The following LRRC53 variants were observed in gnomAD, a reference collection of about 807,000 sequenced individuals.
LRRC53 encodes the protein leucine rich repeat containing 53, also known as leucine-rich repeat-containing protein 53.
A neutral mutation model predicts 13.6 loss-of-function variants in LRRC53; 25 were observed. The ratio of observed to expected loss-of-function variants is 1.83; its 90% CI spans 1.34 to 2.56. The LOEUF (loss-of-function observed/expected upper bound fraction) is 2.56, where lower values mean the gene tolerates loss of function less well. LRRC53 is among the 30% of genes most tolerant of loss of function. LRRC53 has a pLI of 0.00. For missense variants in LRRC53, 527 were observed against 275.8 expected, an observed-to-expected ratio of 1.91 and a Z score of -6.45; for synonymous variants, 204 against 109.8, an observed-to-expected ratio of 1.86 and a Z score of -5.37.
At chr1:74,497,980 GC>G (rs1669419854) in intron 1 of LRRC53, among the ~76,000 whole-genome samples, 2 of 152,156 alleles carry the variant, frequency 1.3e-5, no homozygotes, top group South Asian at 2.1e-4. Context: ...ACTGTGGGAG[GC>G]TTTTTTGTTT....
In LRRC53 at chr1:74,475,363, T is replaced by G; in HGVS notation, c.1352A>C (p.Lys451Thr). 1.4e-6 allele frequency: 1 copy of G among 716,196 alleles called. No homozygotes were observed. Among genetic ancestry groups the G allele is most frequent in the Non-Finnish European group, 2.6e-6 (1 of 384,536 alleles). 44.4% of individuals were successfully genotyped at this position (716,196 alleles called of 1,614,324 possible). A position where few individuals can be genotyped will look rare whatever the true frequency, so the allele number is the denominator to read the frequency against. ...LTTYNPRKVQ[K>T]LWNLEPGEVQ... ...TTCTCCAGGCTCAAGATTCCATAGC[T>G]TTTGAACTTTCCTTGGATTATATGT... The change falls in exon 4 of 5, where the codon AAG becomes ACG. Residue 451 changes from lysine (K) to threonine (T), a missense_variant. Coordinates refer to ENST00000294635, the MANE Select transcript of LRRC53 (RefSeq NM_001382280.1).
At chr1:74,490,012 C>T (rs1404319397) in intron 1 of LRRC53, among the ~76,000 whole-genome samples, 1 of 111,554 alleles carries the variant, frequency 9.0e-6, no homozygotes, top group East Asian at 2.8e-4. Context: ...CACTAAGTCT[C>T]AAAGTGGAAC....
chr1:74,483,905 G>A (rs1057175267), intron 1 of LRRC53, among the ~76,000 whole-genome samples: 1 of 152,136 alleles, frequency 6.6e-6, no homozygotes, highest in Non-Finnish European at 1.5e-5. Flanking sequence ...CCTAGGGAGT[G>A]AGTATGATGT....
chr1:74,510,737 T>G (rs566298709), intron 1 of LRRC53, among the ~76,000 whole-genome samples: 5 of 152,214 alleles, frequency 3.3e-5, no homozygotes, highest in Non-Finnish European at 7.3e-5. Context: ...TGGCTAGCAT[T>G]GAAAAGTTCA....
rs1319926586 is a variant in LRRC53 at position 74,475,656 on chromosome 1, G to C, written c.1059C>G (p.Tyr353Ter). The C allele has an allele frequency of 1.4e-5, 10 of 716,878 alleles. No homozygotes were observed. The highest frequency in any genetic ancestry group is 3.5e-5 in the African/African-American group (2 of 57,190). 44.4% of individuals were successfully genotyped at this position (716,878 alleles called of 1,614,324 possible). The change falls in exon 4 of 5, where the codon TAC (tyrosine) becomes TAG (stop). Residue 353 changes from tyrosine to a stop codon, truncating the protein, a stop_gained. Coordinates refer to ENST00000294635, the MANE Select transcript of LRRC53 (RefSeq NM_001382280.1). LOFTEE classifies it high-confidence loss of function. ...HEARNYHTKG[Y>*]CNCHLTQENE... ...TTTCCTGAGTTAAGTGGCAGTTGCAGTATCCCTTAGTGTGGTAATTTCTTG... is the reference window on the plus strand; with the variant it reads ...TTTCCTGAGTTAAGTGGCAGTTGCACTATCCCTTAGTGTGGTAATTTCTTG...
chr1:74,505,079 G>A (rs1249893074), intron 1 of LRRC53, among the ~76,000 whole-genome samples: 1 of 152,170 alleles, frequency 6.6e-6, no homozygotes, highest in East Asian at 1.9e-4. Flanking sequence ...AAAATGAAGA[G>A]AAACCCTCTC....
intron 4 of LRRC53, among the ~76,000 whole-genome samples, chr1:74,472,570 G>A (rs929227511): frequency 4.6e-5 from 7 of 151,940 alleles, no homozygotes; most frequent in African/African-American, 1.5e-4. Flanking sequence ...TTTCCCATTT[G>A]CAACTTAAAT....
rs777518162 is a variant in LRRC53 at position 74,492,248 on chromosome 1, A to G, written c.-26-8873T>C. The stretch of plus-strand genomic sequence containing the variant: ...GAATATGCTCTAAATGCAAGGTCCT[A>G]TGCTGCTTTGTCCCAAAGGTGAGTG... On this transcript the variant is annotated intron_variant, in intron 1 of 4. Coordinates refer to ENST00000294635, the MANE Select transcript of LRRC53 (RefSeq NM_001382280.1). The G allele has an allele frequency of 1.9e-6, 3 of 1,588,954 alleles. No individual in the cohort carries two copies. Among genetic ancestry groups the G allele is most frequent in the South Asian group, 1.1e-5 (1 of 87,476 alleles).
intron 1 of LRRC53, among the ~76,000 whole-genome samples, chr1:74,494,431 G>T (rs947847920): frequency 2.0e-5 from 3 of 152,136 alleles, no homozygotes; most frequent in Admixed American, 1.3e-4. Context: ...TAGTAGGTTT[G>T]ATTGATAACC....
chr1:74,472,631 T>TCAATAATAAGATAATAATTTGA (rs1667992327), intron 4 of LRRC53, among the ~76,000 whole-genome samples: 1 of 152,016 alleles, frequency 6.6e-6, no homozygotes, highest in East Asian at 1.9e-4. Context: ...TTTCAGATAA[T>TCAATAATAAGATAATAATTTGA]CAATAATAAG....
intron 4 of LRRC53, among the ~76,000 whole-genome samples, chr1:74,475,003 ACTTTT>A (rs1668117790): frequency 3.3e-3 from 1 of 304 alleles, no homozygotes; most frequent in Non-Finnish European, 0.021. Flanking sequence ...TTAAAAGGCT[ACTTTT>A]TTTCTTTTTT....
the LRRC53 span, among the ~76,000 whole-genome samples, chr1:74,530,728 T>G: frequency 6.6e-6 from 1 of 151,946 alleles, no homozygotes; most frequent in Non-Finnish European, 1.5e-5. Flanking sequence ...AAAAAGTTTT[T>G]TTTTTTTTTT....
chr1:74,475,710 G>A lies in LRRC53; in HGVS notation c.1005C>T (p.Thr335=). Residue 335 remains threonine (T), a synonymous_variant, in exon 4 of 5, where the codon ACC becomes ACT. Coordinates refer to ENST00000294635, the MANE Select transcript of LRRC53 (RefSeq NM_001382280.1). ...CATGAGCACACAGGGGTTCATCGAA[G>A]GTTCTGCAACAAAGGTTTTCTGATG... The part of the protein sequence containing the change: ...EHTSENLCCR[T]FDEPLCAHEA... 2.9e-6 allele frequency: 2 copies of A among 699,314 alleles called. No individual in the cohort carries two copies. The highest frequency in any genetic ancestry group is 2.7e-5 in the East Asian group (1 of 37,028). 43.3% of individuals were successfully genotyped at this position (699,314 alleles called of 1,614,324 possible). A position where few individuals can be genotyped will look rare whatever the true frequency, so the allele number is the denominator to read the frequency against.
chr1:74,519,481 T>G, the LRRC53 span, among the ~76,000 whole-genome samples: 4 of 143,346 alleles, frequency 2.8e-5, no homozygotes, highest in East Asian at 8.1e-4. Context: ...ATGGTTGAAC[T>G]AGTTTACAGT....
At chr1:74,501,137 C>A (rs1470308394) in intron 1 of LRRC53, among the ~76,000 whole-genome samples, 1 of 152,050 alleles carries the variant, frequency 6.6e-6, no homozygotes, top group Non-Finnish European at 1.5e-5. Flanking sequence ...TTCCACATTT[C>A]TCAATCTCTT....
chr1:74,515,769 A>G (rs1646340210), upstream of LRRC53, among the ~76,000 whole-genome samples: 1 of 152,214 alleles, frequency 6.6e-6, no homozygotes, highest in Non-Finnish European at 1.5e-5. Context: ...AAAAATAAGT[A>G]TGATAAAAGC....
chr1:74,497,521 G>C (rs978428182), intron 1 of LRRC53, among the ~76,000 whole-genome samples: 3 of 151,412 alleles, frequency 2.0e-5, no homozygotes, highest in Non-Finnish European at 4.4e-5. Context: ...GGGTCTTCTT[G>C]TTGTTTCTAC....
intron 1 of LRRC53, among the ~76,000 whole-genome samples, chr1:74,506,938 C>A (rs1216418258): frequency 6.6e-6 from 1 of 151,982 alleles, no homozygotes; most frequent in Non-Finnish European, 1.5e-5. Flanking sequence ...GGTATCATGT[C>A]TCTGTTGAAT....
At chr1:74,493,598 A>G (rs950968833) in intron 1 of LRRC53, among the ~76,000 whole-genome samples, 25 of 152,226 alleles carry the variant, frequency 1.6e-4, no homozygotes, top group Admixed American at 3.3e-4. Flanking sequence ...GAATTCAGGG[A>G]TATACAATCA....
Sources: allele counts gnomAD v4.1 joint callset (sites outside exome capture counted in the v4.1 genomes callset), GRCh38; gene constraint gnomAD v4.1.1; transcripts MANE v1.5; gene names NCBI Gene and HGNC (gene_info 2026-07-23, HGNC 2026-07-21).